The following UBR3 variants were observed in gnomAD, a reference collection of about 807,000 sequenced individuals.
UBR3 encodes the protein E3 ubiquitin-protein ligase UBR3.
UBR3 carries 85 observed loss-of-function variants against 243.2 expected under a neutral mutation model. That is an observed-to-expected ratio of 0.35 (90% confidence interval 0.29 to 0.42). The LOEUF (loss-of-function observed/expected upper bound fraction) is 0.42, where lower values mean the gene tolerates loss of function less well. UBR3 is among the 10% of genes least tolerant of loss of function. UBR3 has a pLI of 1.00. For synonymous variants in UBR3, 748 were observed against 799.8 expected, an observed-to-expected ratio of 0.94 and a Z score of 1.09; for missense variants, 1,686 against 2,300.8, an observed-to-expected ratio of 0.73 and a Z score of 5.47.
At chr2:169,836,059 ATATATATATTTTTTTTTT>A (rs1419648656) in intron 1 of UBR3, among the ~76,000 whole-genome samples, 1 of 40,952 alleles carries the variant, frequency 2.4e-5, no homozygotes, top group Non-Finnish European at 5.3e-5. Context: ...ATATATATAT[ATATATATATTTTTTTTTT>A]TTTTTTTTTT....
chr2:170,023,090 A>G (rs912297368), intron 30 of UBR3, among the ~76,000 whole-genome samples: 4 of 151,254 alleles, frequency 2.6e-5, no homozygotes, highest in Non-Finnish European at 1.5e-5. Flanking sequence ...AGAAAGGGAG[A>G]TTTTTTTCTC....
intron 1 of UBR3, among the ~76,000 whole-genome samples, chr2:169,837,733 C>G (rs2082155439): frequency 6.6e-6 from 1 of 152,186 alleles, no homozygotes. Flanking sequence ...CATCCAGTTA[C>G]CTCCACCTCA....
At chr2:169,855,083 A>G (rs2082790675) in intron 1 of UBR3, among the ~76,000 whole-genome samples, 1 of 152,010 alleles carries the variant, frequency 6.6e-6, no homozygotes, top group Non-Finnish European at 1.5e-5. Context: ...GCTAGACTAC[A>G]TTTTCCTCCA....
chr2:170,076,112 G>T (rs540288338), intron 36 of UBR3, among the ~76,000 whole-genome samples: 30 of 152,296 alleles, frequency 2.0e-4, no homozygotes, highest in Non-Finnish European at 3.4e-4. Flanking sequence ...ATTCCTGGGA[G>T]AGAGAATCTG....
intron 11 of UBR3, among the ~76,000 whole-genome samples, chr2:169,917,025 A>G (rs1368231946): frequency 6.6e-6 from 1 of 152,100 alleles, no homozygotes; most frequent in Admixed American, 6.6e-5. Context: ...TGGTTTAGGA[A>G]GGGAAGAACC....
At chr2:170,048,887 A>T (rs1443453978) in intron 32 of UBR3, among the ~76,000 whole-genome samples, 1 of 152,240 alleles carries the variant, frequency 6.6e-6, no homozygotes, top group Non-Finnish European at 1.5e-5. Context: ...AGTAAAAGTT[A>T]TGGCCATAGT....
chr2:170,054,755 C>T (rs1031069506), intron 32 of UBR3, among the ~76,000 whole-genome samples: 1 of 152,050 alleles, frequency 6.6e-6, no homozygotes, highest in African/African-American at 2.4e-5. Flanking sequence ...TTAAGATGTG[C>T]ATCATATAGG....
At chr2:169,938,879 G>A (rs2086453936) in intron 19 of UBR3, among the ~76,000 whole-genome samples, 1 of 151,818 alleles carries the variant, frequency 6.6e-6, no homozygotes, top group African/African-American at 2.4e-5. Context: ...TTATTCATGT[G>A]GTGTTCCTTT....
At chr2:169,949,539 T>C in intron 22 of UBR3, 66 bp from the exon 23 acceptor site, 1 of 1,346,474 alleles carries the variant, frequency 7.4e-7, no homozygotes, top group Non-Finnish European at 1.0e-6. Context: ...ATAGTACTAA[T>C]ATGTTTTTAA....
intron 24 of UBR3, among the ~76,000 whole-genome samples, chr2:169,981,307 C>G (rs978595829): frequency 2.0e-5 from 3 of 152,020 alleles, no homozygotes; most frequent in Non-Finnish European, 4.4e-5. Context: ...AACATCTTAA[C>G]CAGGTGATCA....
At chr2:170,029,522 T>C in intron 31 of UBR3, 74 bp downstream of exon 31, 2 of 1,170,020 alleles carry the variant, frequency 1.7e-6, no homozygotes, top group Non-Finnish European at 2.4e-6. Context: ...AAAATGGAAT[T>C]GAAATTTCAA....
chr2:169,874,006 G>A (rs2083515440), intron 2 of UBR3, among the ~76,000 whole-genome samples: 1 of 152,074 alleles, frequency 6.6e-6, no homozygotes, highest in South Asian at 2.1e-4. Flanking sequence ...TGTAGACAAC[G>A]TAAGTACATA....
At chr2:170,044,386 C>G (rs2091034970) in intron 32 of UBR3, among the ~76,000 whole-genome samples, 1 of 152,092 alleles carries the variant, frequency 6.6e-6, no homozygotes, top group African/African-American at 2.4e-5. Flanking sequence ...GCATTGTTTT[C>G]AGGTTGAAAG....
chr2:169,938,011 C>A (rs977558091), intron 19 of UBR3, among the ~76,000 whole-genome samples: 1 of 152,090 alleles, frequency 6.6e-6, no homozygotes, highest in African/African-American at 2.4e-5. Flanking sequence ...ATCCTCATAT[C>A]CTCAATTGTA....
intron 5 of UBR3, among the ~76,000 whole-genome samples, chr2:169,890,844 C>T (rs2084349176): frequency 6.7e-6 from 1 of 149,476 alleles, no homozygotes; most frequent in African/African-American, 2.4e-5. Context: ...CTCATTCCAC[C>T]CTTTAGCTTC....
At chr2:169,964,002 A>C (rs1363364735) in intron 24 of UBR3, among the ~76,000 whole-genome samples, 1 of 152,182 alleles carries the variant, frequency 6.6e-6, no homozygotes, top group Non-Finnish European at 1.5e-5. Flanking sequence ...TCTCTTACAC[A>C]ATCACAGTAC....
In UBR3 at chr2:170,042,278, T is replaced by C. The variant is rs534775147; in HGVS notation, c.4660+1293T>C. On this transcript the variant is annotated intron_variant, in intron 32 of 38. Transcript: ENST00000272793. ...TTAGCATGTTTTCAAGGTTTATCCA[T>C]GTTATGGCATGTATCATTACTTCAT... Among the ~76,000 whole-genome samples the C allele has an allele frequency of 6.6e-5, 10 of 152,332 alleles. No individual in the cohort carries two copies. The East Asian group carries it at 1.3e-3, about 21-fold the overall frequency.
chr2:169,906,044 C>G lies in UBR3; in HGVS notation c.1659C>G (p.Asn553Lys). Reference protein sequence around the residue: ...FVSFFQGMNLNKRELNEHVEF... With the variant: ...FVSFFQGMNLKKRELNEHVEF... Reference sequence around the variant, plus strand: ...AATTTTTGCCAGGTATGAACTTAAACAAGCGAGAACTAAACGAGCATGTGG... The same window carrying G: ...AATTTTTGCCAGGTATGAACTTAAAGAAGCGAGAACTAAACGAGCATGTGG... Residue 553 changes from asparagine (N) to lysine (K), a missense_variant, in exon 10 of 39, where the codon AAC becomes AAG. By Grantham distance (94) the Asn-to-Lys change is moderately conservative. Coordinates refer to ENST00000272793, the MANE Select transcript of UBR3 (RefSeq NM_172070.4). 1 of 1,550,894 alleles carries G rather than the reference C, an allele frequency of 6.4e-7. No individual in the cohort carries two copies.
chr2:169,930,142 C>T (rs566073333), intron 18 of UBR3, among the ~76,000 whole-genome samples: 29 of 152,262 alleles, frequency 1.9e-4, no homozygotes, highest in African/African-American at 7.0e-4. Context: ...CTGTCAGACT[C>T]ACTTGCGCTC....
Sources: allele counts gnomAD v4.1 joint callset (sites outside exome capture counted in the v4.1 genomes callset), GRCh38; gene constraint gnomAD v4.1.1; transcripts MANE v1.5; gene names NCBI Gene and HGNC (gene_info 2026-07-23, HGNC 2026-07-21).